Variants in GRIP1 observed in about 807,000 individuals in gnomAD.
GRIP1 encodes glutamate receptor interacting protein 1, also known as glutamate receptor-interacting protein 1.
GRIP1 carries 45 observed loss-of-function variants against 129.9 expected under a neutral mutation model. The ratio of observed to expected loss-of-function variants is 0.35; its 90% CI spans 0.27 to 0.44. The LOEUF is 0.44. Ranked by LOEUF, GRIP1 falls within the 20% of genes least tolerant of loss-of-function variation. The pLI is 1.00. For missense variants in GRIP1, 1,196 were observed against 1,396.8 expected, an observed-to-expected ratio of 0.86 and a Z score of 2.29; for synonymous variants, 530 against 520.8, an observed-to-expected ratio of 1.02 and a Z score of -0.24.
At chr12:66,839,752 G>A (rs550890581) in intron 1 of GRIP1, among the ~76,000 whole-genome samples, 196 of 152,282 alleles carry the variant, frequency 1.3e-3, no homozygotes, top group African/African-American at 4.6e-3. Flanking sequence ...ATCCTACCTG[G>A]TCAGTCTGGG....
intron 11 of GRIP1, among the ~76,000 whole-genome samples, chr12:66,447,894 C>G (rs2058676925): frequency 6.6e-6 from 1 of 152,218 alleles, no homozygotes; most frequent in African/African-American, 2.4e-5. Context: ...TGGCGACTGG[C>G]TTTAGGACCA....
At chr12:66,520,940 C>T (rs1195965376) in intron 5 of GRIP1, among the ~76,000 whole-genome samples, 2 of 152,148 alleles carry the variant, frequency 1.3e-5, no homozygotes, top group Non-Finnish European at 2.9e-5. Flanking sequence ...TATATATCAC[C>T]CTTCAGCCAA....
At chr12:66,831,455 T>C (rs542709957) in intron 1 of GRIP1, among the ~76,000 whole-genome samples, 2 of 152,336 alleles carry the variant, frequency 1.3e-5, no homozygotes, top group Non-Finnish European at 2.9e-5. Flanking sequence ...GTAAGAGTCA[T>C]GAAGCTCTTC....
chr12:66,618,174 C>T (rs932296358), intron 1 of GRIP1, among the ~76,000 whole-genome samples: 4 of 152,260 alleles, frequency 2.6e-5, no homozygotes, highest in South Asian at 2.1e-4. Flanking sequence ...AGTAGTACAA[C>T]AACAAGAAAT....
chr12:67,043,901 T>C (rs2135822456), intron 1 of GRIP1, among the ~76,000 whole-genome samples: 1 of 152,272 alleles, frequency 6.6e-6, no homozygotes, highest in East Asian at 1.9e-4. Context: ...ATCTCTAATG[T>C]GGAATTTCAA....
At chr12:66,660,715 C>T (rs984612891) in intron 1 of GRIP1, among the ~76,000 whole-genome samples, 5 of 152,022 alleles carry the variant, frequency 3.3e-5, no homozygotes, top group African/African-American at 7.2e-5. Context: ...AAGAAGCCTA[C>T]GTTATTAGTT....
At chr12:67,030,509 T>A (rs1040623402) in intron 1 of GRIP1, among the ~76,000 whole-genome samples, 7 of 152,132 alleles carry the variant, frequency 4.6e-5, no homozygotes, top group African/African-American at 1.7e-4. Flanking sequence ...GAAAAAAGTT[T>A]CCAATCTGGA....
At chr12:67,034,721 A>G (rs995844957) in intron 1 of GRIP1, among the ~76,000 whole-genome samples, 1 of 152,198 alleles carries the variant, frequency 6.6e-6, no homozygotes, top group Non-Finnish European at 1.5e-5. Context: ...CAGCATCACA[A>G]CAAACACGAG....
chr12:66,737,066 T>C (rs184607997), intron 1 of GRIP1, among the ~76,000 whole-genome samples: 75 of 152,250 alleles, frequency 4.9e-4, no homozygotes, highest in African/African-American at 1.6e-3. Context: ...GCCACGATCA[T>C]GTGTGCATCT....
intron 1 of GRIP1, among the ~76,000 whole-genome samples, chr12:66,933,241 CTAAGTA>C (rs1434276006): frequency 5.3e-5 from 8 of 152,286 alleles, no homozygotes; most frequent in African/African-American, 1.4e-4. Flanking sequence ...AAAGGCATGA[CTAAGTA>C]TGTACCTCTT....
At chr12:66,868,083 G>A (rs866924373) in intron 1 of GRIP1, among the ~76,000 whole-genome samples, 1 of 152,132 alleles carries the variant, frequency 6.6e-6, no homozygotes, top group African/African-American at 2.4e-5. Context: ...ATGGGCTATA[G>A]AAGGAAAGCT....
rs761155485 is a variant in GRIP1 at position 66,715,471 on chromosome 12, T to TGTGTGTGTGTGTGTGTGTGTGAGAGA, written c.-419-85136_-419-85135insTCTCTCACACACACACACACACACAC. On this transcript the variant is annotated intron_variant, in intron 1 of 4. Coordinates refer to the GRIP1 transcript ENST00000538373. Reference sequence around the variant, plus strand: ...AGCTTGATGTGTGTGTGTGTGTGTGTGAGAGAGAGAGAGAGAGAGAGAGAG... The same window carrying TGTGTGTGTGTGTGTGTGTGTGAGAGA: ...AGCTTGATGTGTGTGTGTGTGTGTGTGTGTGTGTGTGTGTGTGTGTGAGAGAGAGAGAGAGAGAGAGAGAGAGAGAG... Among the ~76,000 whole-genome samples, 96 of 110,124 alleles carry TGTGTGTGTGTGTGTGTGTGTGAGAGA rather than the reference T, an allele frequency of 8.7e-4. 1 individual carries two copies. Among genetic ancestry groups the TGTGTGTGTGTGTGTGTGTGTGAGAGA allele is most frequent in the Non-Finnish European group, 1.4e-3 (74 of 51,124 alleles). 72.2% of individuals were successfully genotyped at this position (110,124 alleles called of 152,430 possible).
chr12:66,753,030 T>C (rs1484077977), intron 1 of GRIP1, among the ~76,000 whole-genome samples: 1 of 152,174 alleles, frequency 6.6e-6, no homozygotes, highest in Admixed American at 6.5e-5. Flanking sequence ...AGCCCTGAAC[T>C]AACTTTGTAG....
At chr12:66,889,300 A>G (rs2040617259) in intron 1 of GRIP1, among the ~76,000 whole-genome samples, 1 of 152,120 alleles carries the variant, frequency 6.6e-6, no homozygotes, top group South Asian at 2.1e-4. Context: ...TCTCTACTAC[A>G]AATACAAAAA....
intron 1 of GRIP1, among the ~76,000 whole-genome samples, chr12:66,622,835 G>A (rs2065335231): frequency 6.6e-6 from 1 of 152,096 alleles, no homozygotes; most frequent in African/African-American, 2.4e-5. Context: ...CTTTCGGGAT[G>A]TTTCACATGA....
At chr12:66,991,921 T>A (rs900117050) in intron 1 of GRIP1, among the ~76,000 whole-genome samples, 6 of 152,200 alleles carry the variant, frequency 3.9e-5, no homozygotes, top group Non-Finnish European at 8.8e-5. Context: ...TTTAGTAGTT[T>A]CATAAAAGAG....
chr12:66,736,321 A>C (rs796761497), intron 1 of GRIP1, among the ~76,000 whole-genome samples: 4 of 129,368 alleles, frequency 3.1e-5, no homozygotes, highest in African/African-American at 1.2e-4. Flanking sequence ...TTAGGATTAC[A>C]GGTGTGCACC....
rs1437500076 is a variant in GRIP1 at position 66,979,236 on chromosome 12, A to AC, written c.58+89813_58+89814insG. Among the ~76,000 whole-genome samples the AC allele has an allele frequency of 1.1e-3, 153 of 142,646 alleles. 2 individuals are homozygous for AC. The highest frequency in any genetic ancestry group is 1.9e-3 in the African/African-American group (72 of 38,780). The allele number at this position is 142,646 out of a possible 152,430, so 93.6% of individuals were successfully genotyped here. A position where few individuals can be genotyped will look rare whatever the true frequency, so the allele number is the denominator to read the frequency against. Reference sequence around the variant, plus strand: ...ACTTCTCTTCTTAAAAAAAAAAAAAAAAAAAAAAAAAAAAAAAACAAGCCC... The same window carrying AC: ...ACTTCTCTTCTTAAAAAAAAAAAAAACAAAAAAAAAAAAAAAAAACAAGCCC... On this transcript the variant is annotated intron_variant, in intron 1 of 1. Transcript: ENST00000643019.
chr12:66,662,649 A>G (rs1257923839), intron 1 of GRIP1, among the ~76,000 whole-genome samples: 2 of 152,112 alleles, frequency 1.3e-5, no homozygotes, highest in African/African-American at 4.8e-5. Context: ...ACTTTAAAAA[A>G]TTTCTATTGC....
Sources: gnomAD v4.1 joint callset for allele counts (sites outside exome capture counted in the v4.1 genomes callset) on GRCh38, gnomAD v4.1.1 for gene constraint, MANE v1.5 for transcripts, NCBI Gene and HGNC (gene_info 2026-07-23, HGNC 2026-07-21) for gene names.